Variants in PDS5A observed in about 807,000 individuals in gnomAD.
PDS5A encodes PDS5 cohesin associated factor A.
A neutral mutation model predicts 167.1 loss-of-function variants in PDS5A; 42 were observed. The observed-to-expected ratio is 0.25, with a 90% CI of 0.20 to 0.33. The LOEUF is 0.33. PDS5A is among the 10% of genes least tolerant of loss of function. The pLI is 1.00. For missense variants in PDS5A, 1,033 were observed against 1,605.9 expected (o/e 0.64, Z 6.10); for synonymous variants, 553 against 554.6 (o/e 1.00, Z 0.04).
At chr4:39,900,693 C>G (rs1330729555) in intron 13 of PDS5A, among the ~76,000 whole-genome samples, 186 bp from the exon 14 acceptor site, 1 of 147,600 alleles carries the variant, frequency 6.8e-6, no homozygotes, top group Non-Finnish European at 1.5e-5. Context: ...TATAAGCCTT[C>G]TTATGAGAGA....
rs565009662 is a variant in PDS5A, at chr4:39,975,910, A to G, written c.138+530T>C. On this transcript the variant is annotated intron_variant, in intron 2 of 32. Coordinates refer to ENST00000303538, the MANE Select transcript of PDS5A (RefSeq NM_001100399.2). The stretch of plus-strand genomic sequence containing the variant: ...TAGCTGACACCTCATAAAAAGGGCC[A>G]TAATACTCTTAAACTCCTTTGAACG... 3.3e-5 allele frequency among the ~76,000 whole-genome samples: 5 copies of G among 152,362 alleles called. No homozygotes were observed. In the East Asian group the frequency reaches 7.7e-4, roughly 23 times the overall value.
chr4:39,880,880 G>A (rs977116694), intron 17 of PDS5A, among the ~76,000 whole-genome samples: 2 of 152,102 alleles, frequency 1.3e-5, no homozygotes, highest in Non-Finnish European at 2.9e-5. Flanking sequence ...TGGAACACTA[G>A]AATTCATCCA....
chr4:39,888,640 C>T (rs1394252219), intron 17 of PDS5A, among the ~76,000 whole-genome samples: 2 of 148,862 alleles, frequency 1.3e-5, no homozygotes, highest in Non-Finnish European at 3.0e-5. Context: ...TTTGTAGCAA[C>T]ATGTATGCAA....
chr4:39,825,539 A>T, intron 32 of PDS5A, 51 bp from the exon 33 acceptor site: 1 of 1,358,788 alleles, frequency 7.4e-7, no homozygotes, highest in Non-Finnish European at 1.0e-6. Context: ...GAGAAGATAT[A>T]AACCAAACGA....
chr4:39,901,270 T>TC (rs1420184823), intron 13 of PDS5A, among the ~76,000 whole-genome samples: 3 of 131,560 alleles, frequency 2.3e-5, no homozygotes, highest in African/African-American at 5.2e-5. Context: ...TTCTTTCTTT[T>TC]TTTTTTTTTT....
intron 31 of PDS5A, among the ~76,000 whole-genome samples, 154 bp downstream of exon 31, chr4:39,841,794 G>A (rs1008213225): frequency 2.6e-5 from 4 of 152,152 alleles, no homozygotes; most frequent in African/African-American, 9.7e-5. Context: ...AAGTATAGCC[G>A]GGGTGCGGGA....
chr4:39,934,961 C>T (rs1726453359), intron 2 of PDS5A, among the ~76,000 whole-genome samples: 1 of 152,032 alleles, frequency 6.6e-6, no homozygotes, highest in African/African-American at 2.4e-5. Flanking sequence ...TATTTTCTCC[C>T]AGTCTGAGGC....
intron 10 of PDS5A, among the ~76,000 whole-genome samples, chr4:39,909,710 C>A (rs1294489339): frequency 6.6e-6 from 1 of 152,062 alleles, no homozygotes; most frequent in Non-Finnish European, 1.5e-5. Flanking sequence ...TAAATAACAG[C>A]CTGCTGATAA....
chr4:39,939,489 A>AT (rs202053828), intron 2 of PDS5A, among the ~76,000 whole-genome samples: 29,272 of 150,178 alleles, frequency 0.19, 3,311 homozygotes, highest in South Asian at 0.28. Context: ...GAAAAAAAAA[A>AT]TTTTTTTTAA....
At chr4:39,839,075 T>C (rs1451331546) in intron 31 of PDS5A, among the ~76,000 whole-genome samples, 1 of 152,170 alleles carries the variant, frequency 6.6e-6, no homozygotes, top group East Asian at 1.9e-4. Flanking sequence ...ACTCAATGTC[T>C]ATGGCAATAT....
intron 32 of PDS5A, among the ~76,000 whole-genome samples, chr4:39,829,689 C>A (rs1054058863): frequency 6.6e-6 from 1 of 150,544 alleles, no homozygotes; most frequent in Admixed American, 6.6e-5. Context: ...CGGTGGCTCA[C>A]GCCTGTAATC....
chr4:39,963,918 T>A (rs572671938), intron 2 of PDS5A, among the ~76,000 whole-genome samples: 54 of 151,904 alleles, frequency 3.6e-4, no homozygotes, highest in African/African-American at 1.2e-3. Context: ...TAGCTTTTTT[T>A]TCCCCCCCAG....
At chr4:39,902,556 T>C in intron 12 of PDS5A, 96 bp from the exon 13 acceptor site, 1 of 603,824 alleles carries the variant, frequency 1.7e-6, no homozygotes, top group Non-Finnish European at 2.9e-6. Context: ...AGGGTCTTGC[T>C]CTGTCACCCA....
chr4:39,972,512 T>G (rs1031773696), intron 2 of PDS5A, among the ~76,000 whole-genome samples: 1 of 151,946 alleles, frequency 6.6e-6, no homozygotes, highest in African/African-American at 2.4e-5. Flanking sequence ...AGGGCGAGAC[T>G]CCGTCTCAAA....
chr4:39,891,089 A>G (rs1158414655), intron 16 of PDS5A, among the ~76,000 whole-genome samples: 1 of 151,028 alleles, frequency 6.6e-6, no homozygotes. Flanking sequence ...GCTGGAATGC[A>G]ATGGTGCAAT....
intron 9 of PDS5A, among the ~76,000 whole-genome samples, chr4:39,911,835 TA>T (rs35068853): frequency 0.54 from 67,901 of 125,258 alleles, 17,882 homozygotes; most frequent in Middle Eastern, 0.76. Context: ...CCGTCTCAAT[TA>T]AAAAAAAAAA....
At chr4:39,906,443 A>C (rs1723356911) in intron 11 of PDS5A, among the ~76,000 whole-genome samples, 1 of 152,112 alleles carries the variant, frequency 6.6e-6, no homozygotes, top group South Asian at 2.1e-4. Context: ...CAAACGATTT[A>C]GCTAGTTGGC....
chr4:39,922,752 TA>T lies in PDS5A; in HGVS notation c.528-5del, dbSNP rs368289837. 0.057 allele frequency: 68,484 copies of T among 1,207,858 alleles called. 78 individuals carry two copies. The highest frequency in any genetic ancestry group is 0.088 in the African/African-American group (5,151 of 58,284). 74.8% of individuals were successfully genotyped at this position (1,207,858 alleles called of 1,614,324 possible). A position where few individuals can be genotyped will look rare whatever the true frequency, so the allele number is the denominator to read the frequency against. The stretch of plus-strand genomic sequence containing the variant: ...TACCTTCTTATTGTGGCTATTGCTA[TA>T]AAAAAAAAAAAAAAAGAATAAGTAG... On this transcript the variant is annotated splice_polypyrimidine_tract_variant and splice_region_variant and intron_variant, in intron 5 of 32. Coordinates refer to ENST00000303538, the MANE Select transcript of PDS5A (RefSeq NM_001100399.2).
At position 39,952,725 on chromosome 4, in the gene PDS5A, ATTTTT is replaced by A. The variant is rs35943320; in HGVS notation, c.138+23710_138+23714del. Among the ~76,000 whole-genome samples the A allele has an allele frequency of 6.9e-4, 89 of 128,254 alleles. 1 individual carries two copies. The highest frequency in any genetic ancestry group is 3.7e-3 in the South Asian group (15 of 4,022). The allele number at this position is 128,254 out of a possible 152,430, so 84.1% of individuals were successfully genotyped here. On this transcript the variant is annotated intron_variant, in intron 2 of 32. Coordinates refer to ENST00000303538, the MANE Select transcript of PDS5A (RefSeq NM_001100399.2). Reference sequence around the variant, plus strand: ...TTGTCCCACAGTACACAGATCTGGAATTTTTTTTTTTTTTTTTTTTGAGACTGAGT... The same window carrying A: ...TTGTCCCACAGTACACAGATCTGGAATTTTTTTTTTTTTTTGAGACTGAGT...
Sources: allele counts gnomAD v4.1 joint callset (sites outside exome capture counted in the v4.1 genomes callset), GRCh38; gene constraint gnomAD v4.1.1; transcripts MANE v1.5; gene names NCBI Gene and HGNC (gene_info 2026-07-23, HGNC 2026-07-21).